The following GRIK1 variants were observed in gnomAD, a reference collection of about 807,000 sequenced individuals.
GRIK1 encodes glutamate receptor ionotropic, kainate 1.
Under a neutral mutation model 105.7 loss-of-function variants are expected in GRIK1, and 69 were observed. The observed-to-expected ratio is 0.65, with a 90% CI of 0.54 to 0.80. The LOEUF (loss-of-function observed/expected upper bound fraction) is 0.80, where lower values mean the gene tolerates loss of function less well. Among genes scored for constraint, GRIK1 ranks in the 30% least tolerant of loss-of-function variants. The pLI is 0.00. For missense variants in GRIK1, 1,109 were observed against 1,167.3 expected (o/e 0.95, Z 0.73); for synonymous variants, 438 against 431.3 (o/e 1.02, Z -0.19).
intron 5 of GRIK1, among the ~76,000 whole-genome samples, chr21:29,654,460 C>A (rs1329908721): frequency 1.3e-5 from 2 of 152,160 alleles, no homozygotes; most frequent in Non-Finnish European, 2.9e-5. Flanking sequence ...ATGCCAGACA[C>A]ACTTGGATAC....
intron 7 of GRIK1, among the ~76,000 whole-genome samples, chr21:29,614,402 C>CTTTTTT (rs35063316): frequency 3.6e-5 from 3 of 83,070 alleles, no homozygotes; most frequent in Non-Finnish European, 6.7e-5. Flanking sequence ...TAAAATCCCT[C>CTTTTTT]TTTTTTTTTT....
chr21:29,620,786 T>TAG (rs1175777205), intron 7 of GRIK1, among the ~76,000 whole-genome samples: 7 of 113,814 alleles, frequency 6.2e-5, no homozygotes, highest in African/African-American at 3.4e-4. Flanking sequence ...TATATAGATA[T>TAG]ATATATCTAT....
chr21:29,906,319 C>G (rs987117995), intron 1 of GRIK1, among the ~76,000 whole-genome samples: 3 of 152,106 alleles, frequency 2.0e-5, no homozygotes, highest in African/African-American at 7.2e-5. Flanking sequence ...TATCAAATAC[C>G]TTTACAGATC....
At chr21:29,625,559 C>T (rs1205569713) in intron 7 of GRIK1, among the ~76,000 whole-genome samples, 1 of 152,186 alleles carries the variant, frequency 6.6e-6, no homozygotes, top group East Asian at 1.9e-4. Context: ...CCCTCATGTC[C>T]TCTGAGAAGG....
At chr21:29,616,654 G>A (rs2061857477) in intron 7 of GRIK1, among the ~76,000 whole-genome samples, 1 of 152,204 alleles carries the variant, frequency 6.6e-6, no homozygotes, top group Non-Finnish European at 1.5e-5. Context: ...TCAGTCAAGT[G>A]AGGAAAAGAG....
At chr21:29,848,806 C>T (rs1317372222) in intron 1 of GRIK1, among the ~76,000 whole-genome samples, 1 of 117,266 alleles carries the variant, frequency 8.5e-6, no homozygotes, top group Non-Finnish European at 1.6e-5. Context: ...CGATCTTCAC[C>T]TTAGCTGTTT....
intron 1 of GRIK1, among the ~76,000 whole-genome samples, chr21:29,701,286 T>G (rs2063807464): frequency 6.6e-6 from 1 of 152,170 alleles, no homozygotes; most frequent in Admixed American, 6.5e-5. Flanking sequence ...CATTGACATG[T>G]CAGAGTGAGA....
chr21:29,847,614 C>T (rs1048292434), intron 1 of GRIK1, among the ~76,000 whole-genome samples: 7 of 151,986 alleles, frequency 4.6e-5, no homozygotes, highest in Admixed American at 2.6e-4. Context: ...AACAAAAACA[C>T]GAAACTATTT....
chr21:29,700,344 C>T (rs1042359135), intron 1 of GRIK1, among the ~76,000 whole-genome samples: 1 of 152,198 alleles, frequency 6.6e-6, no homozygotes, highest in Non-Finnish European at 1.5e-5. Context: ...TCTAGACTTA[C>T]AGGAGAATTG....
intron 11 of GRIK1, among the ~76,000 whole-genome samples, chr21:29,588,131 C>T (rs897148483): frequency 1.7e-4 from 26 of 151,666 alleles, no homozygotes; most frequent in Admixed American, 4.6e-4. Context: ...CCCACCACCA[C>T]GCCTGGCTAA....
At chr21:29,643,035 T>C in intron 6 of GRIK1, 66 bp from the exon 7 acceptor site, 1 of 1,461,094 alleles carries the variant, frequency 6.8e-7, no homozygotes, top group Non-Finnish European at 9.5e-7. Flanking sequence ...ACTTGCATAA[T>C]CACTCTCCCT....
Position 29,561,752 on chromosome 21 carries a change from A to G in GRIK1, c.2228T>C (p.Val743Ala). The G allele has an allele frequency of 1.9e-6, 3 of 1,613,224 alleles. No individual in the cohort carries two copies. The highest frequency in any genetic ancestry group is 2.5e-6 in the Non-Finnish European group (3 of 1,179,402). The change falls in exon 15 of 18, where the codon GTG becomes GCG. Residue 743 changes from valine to alanine, a missense_variant. Physicochemically the swap from Val to Ala is moderately conservative, Grantham distance 64 (BLOSUM62 0). This residue lies in a region of GRIK1 where 264 missense variants were observed against 306.9 expected (regional missense o/e 0.86). Transcript: ENST00000327783. ...VRNSDEGIQR[V>A]LTTDYALLME... ...CAGCAGCGCGTAGTCTGTGGTGAGC[A>G]CTCTCTGGATCCCCTCATCACTGTT...
intron 1 of GRIK1, among the ~76,000 whole-genome samples, chr21:29,814,474 G>T (rs1601765425): frequency 6.6e-6 from 1 of 152,158 alleles, no homozygotes; most frequent in Non-Finnish European, 1.5e-5. Flanking sequence ...AGTGCACAGA[G>T]GCAGCTGCAC....
chr21:29,768,928 A>T (rs554346850), intron 1 of GRIK1, among the ~76,000 whole-genome samples: 1 of 152,350 alleles, frequency 6.6e-6, no homozygotes, highest in South Asian at 2.1e-4. Flanking sequence ...GTTTACTTCA[A>T]AATGTTGCTT....
intron 1 of GRIK1, among the ~76,000 whole-genome samples, chr21:29,865,813 T>G (rs2068782806): frequency 6.6e-6 from 1 of 152,190 alleles, no homozygotes; most frequent in African/African-American, 2.4e-5. Flanking sequence ...GTCATTCCAG[T>G]TTTCACAAAT....
At chr21:29,649,977 T>A (rs2062698540) in intron 6 of GRIK1, among the ~76,000 whole-genome samples, 1 of 152,220 alleles carries the variant, frequency 6.6e-6, no homozygotes, top group South Asian at 2.1e-4. Flanking sequence ...TCTCTGGTGT[T>A]CCCTCTCCCT....
At chr21:29,803,745 G>GTT (rs201977085) in intron 1 of GRIK1, among the ~76,000 whole-genome samples, 5 of 151,014 alleles carry the variant, frequency 3.3e-5, no homozygotes, top group African/African-American at 7.3e-5. Context: ...AAAAAAATAT[G>GTT]TTTTTTTTTC....
At chr21:29,723,194 C>T (rs1401281352) in intron 1 of GRIK1, among the ~76,000 whole-genome samples, 3 of 152,164 alleles carry the variant, frequency 2.0e-5, no homozygotes, top group Non-Finnish European at 4.4e-5. Context: ...TTTGGAAATG[C>T]TCTCCTTTAA....
At chr21:29,768,735 A>G (rs566764744) in intron 1 of GRIK1, among the ~76,000 whole-genome samples, 8 of 152,246 alleles carry the variant, frequency 5.3e-5, no homozygotes, top group African/African-American at 1.9e-4. Context: ...AGAGTTGTCT[A>G]TTTCAGTCTC....
Sources: gnomAD v4.1 joint callset for allele counts (sites outside exome capture counted in the v4.1 genomes callset) on GRCh38, gnomAD v4.1.1 for gene constraint, gnomAD v4.1.1 regional missense constraint, MANE v1.5 for transcripts, NCBI Gene and HGNC (gene_info 2026-07-23, HGNC 2026-07-21) for gene names.